Variants in GPC5 observed in about 807,000 individuals in gnomAD.
The protein encoded by GPC5 is glypican 5.
In GPC5, 47 loss-of-function variants were observed where a neutral mutation model predicts 53.9. The ratio of observed to expected loss-of-function variants is 0.87; its 90% CI spans 0.69 to 1.11. The LOEUF (loss-of-function observed/expected upper bound fraction) is 1.11, where lower values mean the gene tolerates loss of function less well. GPC5 is among the 50% of genes most tolerant of loss of function. GPC5 has a pLI of 0.00. For missense variants in GPC5, 748 were observed against 713.1 expected (o/e 1.05, Z -0.56); for synonymous variants, 286 against 263.3 (o/e 1.09, Z -0.84).
intron 7 of GPC5, among the ~76,000 whole-genome samples, chr13:92,303,271 C>T (rs1045942454): frequency 1.1e-4 from 16 of 151,968 alleles, no homozygotes; most frequent in Admixed American, 4.6e-4. Context: ...CCAGAGTCTC[C>T]GTGGTGGTCT....
At chr13:92,063,317 AC>A (rs1458505824) in intron 6 of GPC5, among the ~76,000 whole-genome samples, 9 of 152,214 alleles carry the variant, frequency 5.9e-5, no homozygotes, top group African/African-American at 2.2e-4. Flanking sequence ...TAATACTCTT[AC>A]TTTTATTTCT....
intron 7 of GPC5, among the ~76,000 whole-genome samples, chr13:92,552,513 A>G (rs547531452): frequency 1.3e-5 from 2 of 152,022 alleles, no homozygotes; most frequent in South Asian, 4.1e-4. Context: ...TAAAGACTAA[A>G]CCAGTGCTAA....
chr13:92,183,737 G>C (rs1185113207), intron 7 of GPC5, among the ~76,000 whole-genome samples: 2 of 151,872 alleles, frequency 1.3e-5, no homozygotes, highest in Non-Finnish European at 2.9e-5. Context: ...GTCTAATTTT[G>C]TGGTTTTTAA....
chr13:91,671,946 A>G (rs2035260109), intron 2 of GPC5, among the ~76,000 whole-genome samples: 1 of 152,140 alleles, frequency 6.6e-6, no homozygotes, highest in African/African-American at 2.4e-5. Context: ...CCTCACATCT[A>G]CAACCATCTG....
intron 7 of GPC5, among the ~76,000 whole-genome samples, chr13:92,805,943 C>T (rs1877083326): frequency 6.6e-6 from 1 of 151,948 alleles, no homozygotes; most frequent in Non-Finnish European, 1.5e-5. Flanking sequence ...TGCATTATCC[C>T]CTAACAAGAG....
chr13:92,685,343 C>T (rs1479061434), intron 7 of GPC5, among the ~76,000 whole-genome samples: 1 of 152,000 alleles, frequency 6.6e-6, no homozygotes, highest in Admixed American at 6.6e-5. Context: ...GATCCACCCT[C>T]CTCAGCCTCC....
At chr13:92,281,006 G>T (rs532247189) in intron 7 of GPC5, among the ~76,000 whole-genome samples, 1 of 152,324 alleles carries the variant, frequency 6.6e-6, no homozygotes, top group Admixed American at 6.5e-5. Context: ...AGTCAAGGGA[G>T]GCGGTGACAG....
At chr13:91,558,166 G>A (rs528959552) in intron 2 of GPC5, among the ~76,000 whole-genome samples, 2 of 152,228 alleles carry the variant, frequency 1.3e-5, no homozygotes, top group Admixed American at 6.5e-5. Flanking sequence ...TTGTTGCTGA[G>A]AAGTGAGGCT....
chr13:91,758,418 G>A (rs2037340645), intron 5 of GPC5, among the ~76,000 whole-genome samples: 1 of 151,930 alleles, frequency 6.6e-6, no homozygotes, highest in African/African-American at 2.4e-5. Context: ...ATTACATTAT[G>A]TTGAATTATA....
chr13:92,021,075 C>G (rs1013079705), intron 6 of GPC5, among the ~76,000 whole-genome samples: 1 of 152,026 alleles, frequency 6.6e-6, no homozygotes, highest in African/African-American at 2.4e-5. Flanking sequence ...GTTGAAGAAA[C>G]TATTTTCTCC....
At chr13:92,520,414 C>G (rs747481788) in intron 7 of GPC5, among the ~76,000 whole-genome samples, 9 of 152,066 alleles carry the variant, frequency 5.9e-5, no homozygotes, top group Non-Finnish European at 1.0e-4. Context: ...AGAAGCACAT[C>G]AAAAAAGCTT....
chr13:92,162,125 C>T (rs1593947115), intron 7 of GPC5, among the ~76,000 whole-genome samples: 1 of 149,746 alleles, frequency 6.7e-6, no homozygotes, highest in Admixed American at 6.7e-5. Context: ...CCTGTTTTTT[C>T]CCTGAAGTCT....
At chr13:91,887,338 C>G (rs1379643489) in intron 5 of GPC5, among the ~76,000 whole-genome samples, 3 of 152,158 alleles carry the variant, frequency 2.0e-5, no homozygotes, top group African/African-American at 7.2e-5. Context: ...GCACCTGGCC[C>G]AGGAAAACAT....
intron 7 of GPC5, among the ~76,000 whole-genome samples, chr13:92,812,739 C>A (rs1877339830): frequency 6.6e-6 from 1 of 151,802 alleles, no homozygotes; most frequent in Non-Finnish European, 1.5e-5. Context: ...CTTACTAAAG[C>A]TAAAAAATGA....
chr13:92,591,354 T>C (rs1304829018), intron 7 of GPC5, among the ~76,000 whole-genome samples: 6 of 152,186 alleles, frequency 3.9e-5, no homozygotes, highest in Admixed American at 2.0e-4. Context: ...GCGTGAGTTA[T>C]GGCTGTATCT....
At position 92,218,670 on chromosome 13, in the gene GPC5, C is replaced by T. The variant is rs117937349; in HGVS notation, c.1561+73681C>T. 1.8e-4 allele frequency among the ~76,000 whole-genome samples: 28 copies of T among 152,288 alleles called. 1 individual carries two copies. The East Asian group carries it at 4.8e-3, about 26-fold the overall frequency. On this transcript the variant is annotated intron_variant, in intron 7 of 7. Transcript: ENST00000377067. Reference sequence around the variant, plus strand: ...GAAAAATTTGGTGCTGTATGAGAACCTAAGTTTCTCTAATAAAAATCAGCA... The same window carrying T: ...GAAAAATTTGGTGCTGTATGAGAACTTAAGTTTCTCTAATAAAAATCAGCA...
intron 6 of GPC5, among the ~76,000 whole-genome samples, chr13:91,998,344 T>C (rs1274608335): frequency 6.6e-6 from 1 of 152,308 alleles, no homozygotes; most frequent in Non-Finnish European, 1.5e-5. Context: ...CCTGATGGCA[T>C]TTCTATGTAA....
At chr13:91,945,232 CCTTA>C (rs1344718381) in intron 6 of GPC5, among the ~76,000 whole-genome samples, 1 of 152,252 alleles carries the variant, frequency 6.6e-6, no homozygotes, top group African/African-American at 2.4e-5. Flanking sequence ...CCTTTACAAC[CCTTA>C]CATTATTTGG....
chr13:91,707,385 GGCCAA>G (rs2139886787), intron 3 of GPC5, among the ~76,000 whole-genome samples: 1 of 152,274 alleles, frequency 6.6e-6, no homozygotes, highest in African/African-American at 2.4e-5. Context: ...TGCTTTGGGA[GGCCAA>G]GATGGGAGGA....
Sources: gnomAD v4.1 joint callset for allele counts (sites outside exome capture counted in the v4.1 genomes callset) on GRCh38, gnomAD v4.1.1 for gene constraint, MANE v1.5 for transcripts, NCBI Gene and HGNC (gene_info 2026-07-23, HGNC 2026-07-21) for gene names.